GRB2: variants seen among roughly 807,000 people sequenced by gnomAD.
GRB2 encodes the protein growth factor receptor-bound protein 2.
In GRB2, 2 loss-of-function variants were observed where a neutral mutation model predicts 27.4. The observed-to-expected ratio is 0.07, with a 90% CI of 0.03 to 0.23. The LOEUF is 0.23. GRB2 is among the 10% of genes least tolerant of loss of function. The pLI is 1.00. For synonymous variants in GRB2, 94 were observed against 99.6 expected (o/e 0.94, Z 0.33); for missense variants, 102 against 282.4 (o/e 0.36, Z 4.58).
intron 1 of GRB2, among the ~76,000 whole-genome samples, chr17:75,399,730 C>T (rs915594152): frequency 3.6e-4 from 55 of 151,176 alleles, no homozygotes; most frequent in African/African-American, 1.3e-3. Flanking sequence ...GGTGTAGTGA[C>T]GCAATCTTGG....
intron 2 of GRB2, among the ~76,000 whole-genome samples, chr17:75,339,956 T>C (rs2078609615): frequency 6.6e-6 from 1 of 152,214 alleles, no homozygotes; most frequent in Non-Finnish European, 1.5e-5. Context: ...ATACAAATTA[T>C]AGAAAAAGGT....
chr17:75,355,882 G>C (rs576299541), intron 2 of GRB2, among the ~76,000 whole-genome samples: 3 of 146,564 alleles, frequency 2.0e-5, no homozygotes, highest in Non-Finnish European at 4.5e-5. Flanking sequence ...GGAGTGTGGA[G>C]TACAGTGGCG....
chr17:75,358,811 G>A (rs1366815298), intron 2 of GRB2, among the ~76,000 whole-genome samples: 4 of 145,894 alleles, frequency 2.7e-5, no homozygotes, highest in Non-Finnish European at 6.0e-5. Flanking sequence ...CTGAACCCAG[G>A]AGGCAGAGGT....
chr17:75,377,042 C>G (rs1380846151), intron 2 of GRB2, among the ~76,000 whole-genome samples: 2 of 151,348 alleles, frequency 1.3e-5, no homozygotes, highest in Non-Finnish European at 2.9e-5. Flanking sequence ...CATAGCTGGG[C>G]CCAGTGACTC....
chr17:75,370,663 C>G (rs946102760), intron 2 of GRB2, among the ~76,000 whole-genome samples: 1 of 152,212 alleles, frequency 6.6e-6, no homozygotes, highest in Non-Finnish European at 1.5e-5. Flanking sequence ...AGAGAGCCAT[C>G]TGATGCGAAG....
chr17:75,386,124 C>T (rs1308005521), intron 2 of GRB2, among the ~76,000 whole-genome samples: 16 of 145,738 alleles, frequency 1.1e-4, no homozygotes, highest in African/African-American at 4.0e-4. Flanking sequence ...AGAATAAATT[C>T]TTTTTTTTTT....
intron 2 of GRB2, among the ~76,000 whole-genome samples, chr17:75,388,717 C>T (rs2078980525): frequency 6.6e-6 from 1 of 151,802 alleles, no homozygotes; most frequent in South Asian, 2.1e-4. Context: ...GTGGGGCCTT[C>T]AGGCTTGCAC....
chr17:75,395,941 C>G (rs981131694), intron 1 of GRB2, among the ~76,000 whole-genome samples: 2 of 151,466 alleles, frequency 1.3e-5, no homozygotes, highest in Non-Finnish European at 2.9e-5. Context: ...CTCCCAGGTT[C>G]AAGCGATCCT....
At chr17:75,327,070 TTTC>T (rs1172164907) in intron 3 of GRB2, among the ~76,000 whole-genome samples, 1 of 88,980 alleles carries the variant, frequency 1.1e-5, no homozygotes, top group Non-Finnish European at 3.2e-5. Flanking sequence ...TTACATATCT[TTTC>T]TTTTTTTTTT....
chr17:75,321,769 G>T lies in GRB2; in HGVS notation c.358C>A (p.Leu120Ile), dbSNP rs1430561495. 1 of 1,613,922 alleles carries T rather than the reference G, an allele frequency of 6.2e-7. No homozygotes were observed. Among genetic ancestry groups the T allele is most frequent in the East Asian group, 2.2e-5 (1 of 44,902 alleles). ...VLRDGAGKYF[L>I]WVVKFNSLNE... ...AAAGAATTGAACTTCACCACCCAGA[G>T]GAAGTACTTCCCGGCTCCATCTCGG... The change falls in exon 5 of 6, where the codon CTC (leucine) becomes ATC (isoleucine). Residue 120 changes from leucine to isoleucine, a missense_variant. By Grantham distance (5) the Leu-to-Ile change is conservative (BLOSUM62 2). Around this residue, in one of 3 missense-constraint regions of GRB2, gnomAD observed 57 missense variants for 152.9 expected, o/e 0.37. Coordinates refer to ENST00000316804, the MANE Select transcript of GRB2 (RefSeq NM_002086.5).
At chr17:75,325,233 G>A (rs1194592375) in intron 4 of GRB2, among the ~76,000 whole-genome samples, 1 of 151,862 alleles carries the variant, frequency 6.6e-6, no homozygotes, top group African/African-American at 2.4e-5. Context: ...TCCTGGGGAG[G>A]GTCCTATGAT....
rs115999497 is a variant in GRB2, at chr17:75,397,364, G to C, written c.-137-3599C>G. Among the ~76,000 whole-genome samples the C allele has an allele frequency of 2.3e-3, 345 of 152,220 alleles. 2 individuals carry two copies. The highest frequency in any genetic ancestry group is 8.0e-3 in the African/African-American group (334 of 41,532). On this transcript the variant is annotated intron_variant, in intron 1 of 5. Transcript: ENST00000316804. ...TTGCTGTTCACTTCCCAAGAAAATGGGGTATAGTGTACTTAACACTGAAGC... is the reference window on the plus strand; with the variant it reads ...TTGCTGTTCACTTCCCAAGAAAATGCGGTATAGTGTACTTAACACTGAAGC...
chr17:75,403,523 C>T (rs745437070), intron 1 of GRB2, among the ~76,000 whole-genome samples: 2 of 151,990 alleles, frequency 1.3e-5, no homozygotes, highest in Non-Finnish European at 2.9e-5. Context: ...GTCTGTAATC[C>T]CAAGGCTGAG....
At chr17:75,324,308 C>T (rs1234830248) in intron 4 of GRB2, among the ~76,000 whole-genome samples, 1 of 151,490 alleles carries the variant, frequency 6.6e-6, no homozygotes, top group Non-Finnish European at 1.5e-5. Context: ...TCTTCTCTCT[C>T]AGCCTCCTGA....
chr17:75,324,763 C>T (rs185176204), intron 4 of GRB2, among the ~76,000 whole-genome samples: 16 of 152,036 alleles, frequency 1.1e-4, no homozygotes, highest in African/African-American at 2.7e-4. Flanking sequence ...AAAAGTCTCA[C>T]GCTTTACATC....
At chr17:75,349,797 G>C (rs1485414001) in intron 2 of GRB2, among the ~76,000 whole-genome samples, 4 of 152,012 alleles carry the variant, frequency 2.6e-5, no homozygotes, top group Non-Finnish European at 5.9e-5. Context: ...GTAATCCTGG[G>C]ATTACAGGCG....
rs187316984 is a variant in GRB2 at position 75,337,708 on chromosome 17, C to T, written c.79-4911G>A. Among the ~76,000 whole-genome samples, 1,314 of 149,112 alleles carry T rather than the reference C, an allele frequency of 8.8e-3. 18 individuals carry two copies. The highest frequency in any genetic ancestry group is 0.031 in the African/African-American group (1,238 of 40,294). On this transcript the variant is annotated intron_variant, in intron 2 of 5. Transcript: ENST00000316804. ...GCCTCAGCCTCCCGAGTAGCTGGGA[C>T]TACAGGCGTCTGCAACCACGCCCAG...
intron 3 of GRB2, among the ~76,000 whole-genome samples, chr17:75,327,442 C>G (rs1000406593): frequency 5.3e-5 from 8 of 150,086 alleles, no homozygotes; most frequent in Non-Finnish European, 1.0e-4. Context: ...ACGATCTCGG[C>G]TCACTGCAAC....
intron 2 of GRB2, among the ~76,000 whole-genome samples, chr17:75,393,064 G>A (rs56150553): frequency 0.041 from 6,172 of 152,164 alleles, 208 homozygotes; most frequent in Non-Finnish European, 0.057. Flanking sequence ...ATGAGTTTTG[G>A]TATGTACTTC....
Sources: gnomAD v4.1 joint callset for allele counts (sites outside exome capture counted in the v4.1 genomes callset) on GRCh38, gnomAD v4.1.1 for gene constraint, gnomAD v4.1.1 regional missense constraint, MANE v1.5 for transcripts, NCBI Gene and HGNC (gene_info 2026-07-23, HGNC 2026-07-21) for gene names.